The following LPA variants were observed in gnomAD, a reference collection of about 807,000 sequenced individuals.
LPA encodes the protein lipoprotein(a), also known as apolipoprotein(a).
Under a neutral mutation model 197.9 loss-of-function variants are expected in LPA, and 199 were observed. The ratio of observed to expected loss-of-function variants is 1.01; its 90% CI spans 0.90 to 1.13. The LOEUF (loss-of-function observed/expected upper bound fraction) is 1.13. Among genes scored for constraint, LPA ranks in the 50% most tolerant of loss-of-function variants. The pLI, the probability that LPA is intolerant of heterozygous loss-of-function variation, is 0.00. For synonymous variants in LPA, 715 were observed against 639.5 expected (o/e 1.12, Z -1.78); for missense variants, 1,853 against 1,785.8 (o/e 1.04, Z -0.68).
intron 28 of LPA, among the ~76,000 whole-genome samples, chr6:160,558,660 T>C (rs374631631): frequency 2.0e-5 from 3 of 152,090 alleles, no homozygotes; most frequent in African/African-American, 7.2e-5. Flanking sequence ...ACCCAAGTCA[T>C]AAAGGGCGAT....
chr6:160,605,893 C>A (rs995509695), intron 17 of LPA, among the ~76,000 whole-genome samples: 5 of 152,154 alleles, frequency 3.3e-5, no homozygotes, highest in Non-Finnish European at 7.3e-5. Flanking sequence ...ACAACTGCCA[C>A]CAGAACACGG....
At chr6:160,604,935 A>T (rs1304218683) in intron 18 of LPA, 111 bp downstream of exon 18, 3 of 1,504,184 alleles carry the variant, frequency 2.0e-6, no homozygotes, top group African/African-American at 1.4e-5. Context: ...TTTGCTATGC[A>T]CTGTTCATCT....
At chr6:160,660,338 C>G (rs909375495) in intron 1 of LPA, among the ~76,000 whole-genome samples, 1 of 152,200 alleles carries the variant, frequency 6.6e-6, no homozygotes, top group Non-Finnish European at 1.5e-5. Context: ...CCCTCCTCCA[C>G]TCATGTCTAG....
chr6:160,602,787 A>T, intron 18 of LPA, among the ~76,000 whole-genome samples: 1 of 152,032 alleles, frequency 6.6e-6, no homozygotes, highest in African/African-American at 2.4e-5. Context: ...TTCTCATTTG[A>T]TCTCTTTTTT....
intron 20 of LPA, among the ~76,000 whole-genome samples, chr6:160,599,059 C>G (rs1405320744): frequency 1.3e-5 from 2 of 152,178 alleles, no homozygotes; most frequent in African/African-American, 4.8e-5. Context: ...AAAATGTCTT[C>G]TCAGCCAGGC....
rs1779364502 is a variant in LPA, at chr6:160,606,809, C to T, written c.2604-151G>A. 3.9e-5 allele frequency: 46 copies of T among 1,177,480 alleles called. No individual in the cohort carries two copies. The South Asian group carries it at 5.4e-4, about 14-fold the overall frequency. 72.9% of individuals were successfully genotyped at this position (1,177,480 alleles called of 1,614,324 possible). ...ATATGATTGCCACAAGCACAAATGGCTCTCAATCACTAATCCTGTCTGCAC... is the reference window on the plus strand; with the variant it reads ...ATATGATTGCCACAAGCACAAATGGTTCTCAATCACTAATCCTGTCTGCAC... On this transcript the variant is annotated intron_variant, in intron 16 of 38. Coordinates refer to ENST00000316300, the MANE Select transcript of LPA (RefSeq NM_005577.4).
intron 25 of LPA, among the ~76,000 whole-genome samples, chr6:160,585,649 C>A (rs954598955): frequency 6.6e-6 from 1 of 152,010 alleles, no homozygotes; most frequent in Non-Finnish European, 1.5e-5. Flanking sequence ...AAAGCAAAAG[C>A]CTTCAGATTC....
intron 32 of LPA, among the ~76,000 whole-genome samples, chr6:160,546,226 C>G (rs546421949): frequency 1.3e-5 from 2 of 152,036 alleles, no homozygotes; most frequent in Non-Finnish European, 2.9e-5. Context: ...GAAGAGGGGC[C>G]GAAGGTGAGC....
At chr6:160,593,861 G>T in intron 22 of LPA, 97 bp downstream of exon 22, 1 of 1,443,720 alleles carries the variant, frequency 6.9e-7, no homozygotes, top group Non-Finnish European at 9.7e-7. Flanking sequence ...CCAGATCTGA[G>T]ATAAATTTGT....
rs368686811 is a variant in LPA at position 160,657,545 on chromosome 6, C to T, written c.49+6621G>A. Among the ~76,000 whole-genome samples the T allele has an allele frequency of 7.9e-5, 12 of 152,088 alleles. No individual in the cohort carries two copies. In the South Asian group the frequency reaches 8.3e-4, roughly 11 times the overall value. ...TCCCAAGTAGATGAGATTACAGTTA[C>T]GCATCACCATGCCCAGCTAATTTTT... On this transcript the variant is annotated intron_variant, in intron 1 of 38. Coordinates refer to ENST00000316300, the MANE Select transcript of LPA (RefSeq NM_005577.4).
intron 33 of LPA, among the ~76,000 whole-genome samples, chr6:160,544,712 C>G (rs971776524): frequency 6.6e-6 from 1 of 152,140 alleles, no homozygotes; most frequent in Non-Finnish European, 1.5e-5. Context: ...TTCTGTAACT[C>G]GGACAGACAA....
At chr6:160,658,476 C>A (rs908613995) in intron 1 of LPA, among the ~76,000 whole-genome samples, 10 of 152,132 alleles carry the variant, frequency 6.6e-5, no homozygotes, top group Non-Finnish European at 1.5e-4. Flanking sequence ...GGAGACAGAT[C>A]CCCTGAGATC....
intron 20 of LPA, among the ~76,000 whole-genome samples, chr6:160,598,584 C>T (rs572738704): frequency 2.3e-4 from 35 of 152,296 alleles, no homozygotes; most frequent in African/African-American, 6.7e-4. Context: ...CACTTATGGC[C>T]GAAAGACTGG....
intron 38 of LPA, 40 bp downstream of exon 38, chr6:160,532,491 C>T (rs374634895): frequency 4.5e-5 from 66 of 1,472,870 alleles, no homozygotes; most frequent in African/African-American, 3.6e-4. Context: ...GAGACTGAGA[C>T]GGGAGAGCAC....
intron 30 of LPA, among the ~76,000 whole-genome samples, chr6:160,554,293 T>C (rs1000275739): frequency 7.2e-5 from 11 of 152,210 alleles, no homozygotes; most frequent in Non-Finnish European, 1.3e-4. Context: ...CTCCTAGTTA[T>C]GGATCACACT....
intron 32 of LPA, among the ~76,000 whole-genome samples, chr6:160,546,691 G>A (rs1409613274): frequency 1.3e-5 from 2 of 152,120 alleles, no homozygotes; most frequent in Non-Finnish European, 2.9e-5. Flanking sequence ...TGTCAGGACC[G>A]AGTTACATTG....
At chr6:160,643,083 A>AATGT (rs1332336973) in intron 4 of LPA, among the ~76,000 whole-genome samples, 1 of 131,070 alleles carries the variant, frequency 7.6e-6, no homozygotes, top group African/African-American at 2.8e-5. Flanking sequence ...GTGTGTTTTC[A>AATGT]GTGTGTGTGT....
At chr6:160,660,316 C>G (rs775940604) in intron 1 of LPA, among the ~76,000 whole-genome samples, 3 of 152,166 alleles carry the variant, frequency 2.0e-5, no homozygotes, top group Non-Finnish European at 2.9e-5. Flanking sequence ...TTCTTTTCTA[C>G]CTAGGTATTC....
chr6:160,651,094 G>A (rs41269872), intron 1 of LPA, among the ~76,000 whole-genome samples: 5 of 152,232 alleles, frequency 3.3e-5, no homozygotes, highest in African/African-American at 4.8e-5. Context: ...CATAGCAGAC[G>A]TCTGCTACTC....
Sources: gnomAD v4.1 joint callset for allele counts (sites outside exome capture counted in the v4.1 genomes callset) on GRCh38, gnomAD v4.1.1 for gene constraint, MANE v1.5 for transcripts, NCBI Gene and HGNC (gene_info 2026-07-23, HGNC 2026-07-21) for gene names.